The following CPNE2 variants were observed in gnomAD, a reference collection of about 807,000 sequenced individuals.
CPNE2 encodes the protein copine-2.
In CPNE2, 42 loss-of-function variants were observed where a neutral mutation model predicts 69.7. That is an observed-to-expected ratio of 0.60 (90% CI 0.47 to 0.78). The LOEUF (loss-of-function observed/expected upper bound fraction) is 0.78, where lower values mean the gene tolerates loss of function less well. CPNE2 is among the 30% of genes least tolerant of loss of function. The pLI, the probability that CPNE2 is intolerant of heterozygous loss-of-function variation, is 0.00. For missense variants in CPNE2, 587 were observed against 732.0 expected, an observed-to-expected ratio of 0.80 and a Z score of 2.29; for synonymous variants, 294 against 289.8, an observed-to-expected ratio of 1.01 and a Z score of -0.15.
At chr16:57,109,953 C>T (rs1395811826) in intron 1 of CPNE2, among the ~76,000 whole-genome samples, 5 of 152,158 alleles carry the variant, frequency 3.3e-5, no homozygotes, top group African/African-American at 1.2e-4. Context: ...TTCCTAGTGG[C>T]CAAAGTAGGA....
intron 3 of CPNE2, 128 bp downstream of exon 3, chr16:57,113,595 G>A: frequency 2.0e-6 from 2 of 985,412 alleles, no homozygotes; most frequent in Non-Finnish European, 2.9e-6. Context: ...GATGCAGAGT[G>A]GGGAACAGTC....
chr16:57,137,331 C>T (rs1472303056), intron 14 of CPNE2, 49 bp downstream of exon 14: 6 of 1,606,400 alleles, frequency 3.7e-6, no homozygotes, highest in Non-Finnish European at 4.3e-6. Flanking sequence ...CGCACGTCCT[C>T]TGGGCTGGGG....
At chr16:57,097,875 C>T (rs2069587729) in intron 1 of CPNE2, among the ~76,000 whole-genome samples, 1 of 152,238 alleles carries the variant, frequency 6.6e-6, no homozygotes, top group South Asian at 2.1e-4. Flanking sequence ...CGGAGAGCCA[C>T]AGCACTCCGT....
rs375672532 is a variant in CPNE2, at chr16:57,105,386, G to A, written c.-35-5322G>A. 4.9e-4 allele frequency among the ~76,000 whole-genome samples: 75 copies of A among 151,954 alleles called. 2 individuals carry two copies. In the East Asian group the frequency reaches 0.013, roughly 26 times the overall value. On this transcript the variant is annotated intron_variant, in intron 1 of 15. Transcript: ENST00000290776. ...CTGCCTAAGGGCAAGATGCCTCCTC[G>A]CTGGGGTCAGTGGACCCTGTGAGGG...
chr16:57,099,607 C>T (rs1417695670), intron 1 of CPNE2, among the ~76,000 whole-genome samples: 1 of 144,090 alleles, frequency 6.9e-6, no homozygotes, highest in Non-Finnish European at 1.5e-5. Context: ...GTGCATAGTG[C>T]TTTTTTTTTT....
intron 1 of CPNE2, among the ~76,000 whole-genome samples, chr16:57,093,327 G>T (rs555940726): frequency 1.3e-5 from 2 of 152,212 alleles, no homozygotes; most frequent in South Asian, 4.2e-4. Context: ...CCCAGAAGTC[G>T]GAGTGTGTTT....
At chr16:57,138,339 C>T (rs931824843) in intron 14 of CPNE2, among the ~76,000 whole-genome samples, 3 of 152,232 alleles carry the variant, frequency 2.0e-5, no homozygotes, top group African/African-American at 7.2e-5. Context: ...CTCAGTGGAC[C>T]CTGCAGCTGC....
At chr16:57,109,918 G>A (rs79677336) in intron 1 of CPNE2, among the ~76,000 whole-genome samples, 341 of 152,252 alleles carry the variant, frequency 2.2e-3, no homozygotes, top group Non-Finnish European at 3.2e-3. Context: ...TGGTTTAAAC[G>A]CCTCTGACGT....
At chr16:57,127,069 G>A (rs2069805967) in intron 11 of CPNE2, among the ~76,000 whole-genome samples, 1 of 152,168 alleles carries the variant, frequency 6.6e-6, no homozygotes, top group African/African-American at 2.4e-5. Flanking sequence ...CTGTCCTCAG[G>A]GAGTTCTCAC....
At chr16:57,147,447 TG>T in intron 15 of CPNE2, 103 bp from the exon 16 acceptor site, 1 of 781,144 alleles carries the variant, frequency 1.3e-6, no homozygotes, top group Non-Finnish European at 1.9e-6. Context: ...TTGTCCTCAA[TG>T]GACACCTGCT....
At chr16:57,128,933 T>C (rs2069819082) in intron 12 of CPNE2, 1 of 152,214 alleles carries the variant, frequency 6.6e-6, no homozygotes, top group Non-Finnish European at 1.5e-5. Flanking sequence ...GGTAGTGTCA[T>C]CGGTGCTGAG....
rs368970905 is a variant in CPNE2 at position 57,119,545 on chromosome 16, C to A, written c.592-16C>A. The stretch of plus-strand genomic sequence containing the variant: ...GCCCAGGGCCTGAGCTCACAGCATC[C>A]CTCTCTGTCCCACAGGTGATCAAGT... On this transcript the variant is annotated splice_polypyrimidine_tract_variant and intron_variant, in intron 6 of 15. Coordinates refer to ENST00000290776, the MANE Select transcript of CPNE2 (RefSeq NM_152727.6). 30 of 1,605,034 alleles carry A rather than the reference C, an allele frequency of 1.9e-5. No homozygotes were observed. The African/African-American group carries it at 2.4e-4, about 13-fold the overall frequency.
chr16:57,100,183 G>A (rs571135171), intron 1 of CPNE2, among the ~76,000 whole-genome samples: 6 of 152,166 alleles, frequency 3.9e-5, no homozygotes, highest in African/African-American at 7.2e-5. Flanking sequence ...GGGATTACAG[G>A]CATGAGTCAC....
At chr16:57,147,458 T>C in intron 15 of CPNE2, 93 bp from the exon 16 acceptor site, 1 of 877,520 alleles carries the variant, frequency 1.1e-6, no homozygotes, top group Non-Finnish European at 1.7e-6. Flanking sequence ...GGACACCTGC[T>C]GTAGCAGCCC....
intron 1 of CPNE2, 122 bp from the exon 2 acceptor site, chr16:57,110,586 C>T (rs558807519): frequency 9.4e-6 from 5 of 529,838 alleles, no homozygotes; most frequent in East Asian, 3.4e-5. Context: ...TTTGACAACC[C>T]GCCTCAATTT....
chr16:57,144,462 G>T (rs1216351196), intron 14 of CPNE2: 3 of 152,254 alleles, frequency 2.0e-5, no homozygotes, highest in South Asian at 2.1e-4. Flanking sequence ...GCTGACCTGG[G>T]GTCCAGCTTG....
At chr16:57,124,706 C>T (rs766131994) in intron 10 of CPNE2, 61 of 250,766 alleles carry the variant, frequency 2.4e-4, no homozygotes, top group Non-Finnish European at 4.4e-4. Flanking sequence ...TGGGGTGCCA[C>T]GCTCTGCCCA....
intron 1 of CPNE2, chr16:57,093,836 C>G (rs946798276): frequency 1.2e-5 from 4 of 336,742 alleles, no homozygotes; most frequent in Non-Finnish European, 2.3e-5. Flanking sequence ...TGCAGGGAGC[C>G]CATGGTTTTC....
At chr16:57,136,595 T>G (rs2069883304) in intron 13 of CPNE2, among the ~76,000 whole-genome samples, 1 of 152,158 alleles carries the variant, frequency 6.6e-6, no homozygotes, top group Non-Finnish European at 1.5e-5. Context: ...ATTAAACTAC[T>G]TGCCCCAGGT....
Sources: allele counts gnomAD v4.1 joint callset (sites outside exome capture counted in the v4.1 genomes callset), GRCh38; gene constraint gnomAD v4.1.1; transcripts MANE v1.5; gene names NCBI Gene and HGNC (gene_info 2026-07-23, HGNC 2026-07-21).